Variants in LCOR observed in about 807,000 individuals in gnomAD.
LCOR encodes ligand dependent nuclear receptor corepressor.
In LCOR, 14 loss-of-function variants were observed where a neutral mutation model predicts 64.4. The ratio of observed to expected loss-of-function variants is 0.22; its 90% CI spans 0.14 to 0.34. LCOR has a LOEUF of 0.34. Among genes scored for constraint, LCOR ranks in the 10% least tolerant of loss-of-function variants. LCOR has a pLI of 1.00. For synonymous variants in LCOR, 643 were observed against 642.5 expected (o/e 1.00, Z -0.01); for missense variants, 1,686 against 1,765.3 (o/e 0.96, Z 0.80).
chr10:96,967,243 T>C (rs140275001), intron 7 of LCOR, among the ~76,000 whole-genome samples: 164 of 152,278 alleles, frequency 1.1e-3, no homozygotes, highest in African/African-American at 3.9e-3. Context: ...GTGATTCTCG[T>C]GCCTCAGCCA....
chr10:96,915,365 A>G (rs1846921066), intron 4 of LCOR, among the ~76,000 whole-genome samples: 1 of 152,072 alleles, frequency 6.6e-6, no homozygotes, highest in Non-Finnish European at 1.5e-5. Context: ...CTAAAAATAC[A>G]AAAAAATTAG....
At chr10:96,958,413 G>T (rs1339872707) in intron 7 of LCOR, 2 of 1,483,596 alleles carry the variant, frequency 1.3e-6, no homozygotes, top group Non-Finnish European at 1.8e-6. Flanking sequence ...GTGTTTCAGT[G>T]GATGACAATC....
rs1046585777 is a variant in LCOR, at chr10:96,958,992, G to C, written c.332+6796G>C. 3 of 148,720 alleles carry C rather than the reference G, an allele frequency of 2.0e-5. No homozygotes were observed. The South Asian group carries it at 6.4e-4, about 32-fold the overall frequency. The allele number at this position is 148,720 out of a possible 1,614,324, so 9.2% of individuals were successfully genotyped here. ...CCTTATTATAGGTTTTGTAAAGTTA[G>C]TTTGTAATATTCAGGTGCACTTTTA... On this transcript the variant is annotated intron_variant, in intron 7 of 7. Transcript: ENST00000421806.
chr10:96,913,495 A>C (rs1443958395), intron 4 of LCOR, among the ~76,000 whole-genome samples: 2 of 152,204 alleles, frequency 1.3e-5, no homozygotes, highest in Admixed American at 1.3e-4. Context: ...AGTACAGATA[A>C]CATGGATGAT....
intron 2 of LCOR, among the ~76,000 whole-genome samples, chr10:96,897,474 A>G (rs1846558985): frequency 6.6e-6 from 1 of 152,202 alleles, no homozygotes; most frequent in Non-Finnish European, 1.5e-5. Context: ...AGTTTGATAT[A>G]CTAGAAAAAA....
intron 2 of LCOR, among the ~76,000 whole-genome samples, chr10:96,869,592 T>G (rs1846037154): frequency 6.6e-6 from 1 of 151,576 alleles, no homozygotes; most frequent in Non-Finnish European, 1.5e-5. Flanking sequence ...TTTTCTTTTT[T>G]TAGACAGAGT....
intron 4 of LCOR, among the ~76,000 whole-genome samples, chr10:96,926,066 G>A (rs1290308924): frequency 6.6e-6 from 1 of 152,130 alleles, no homozygotes; most frequent in Admixed American, 6.5e-5. Flanking sequence ...GTTACAAGAT[G>A]TTCTAAATTC....
intron 5 of LCOR, among the ~76,000 whole-genome samples, chr10:96,946,177 T>C (rs1362655172): frequency 1.3e-5 from 2 of 152,084 alleles, no homozygotes; most frequent in Admixed American, 6.6e-5. Flanking sequence ...ATCTCCAAGA[T>C]AGCCATTAGT....
Position 96,983,795 on chromosome 10 carries a change from C to T in LCOR, c.3335C>T (p.Ala1112Val), listed in dbSNP as rs367835702. ...GAGGAGGAGAACCAAGAGCTCATCG[C>T]CAACTTCAATGCCCAGTACATGAAA... ...CAEEENQELIANFNAQYMKVQ... is the reference protein window; with the variant it reads ...CAEEENQELIVNFNAQYMKVQ... The change falls in exon 8 of 8, where the codon GCC becomes GTC. Residue 1112 changes from alanine (A) to valine (V), a missense_variant. By Grantham distance (64) the Ala-to-Val change is moderately conservative. Coordinates refer to ENST00000421806, the MANE Select transcript of LCOR (RefSeq NM_001346516.2). This position sits in a 1 kb window ranked among gnomAD's most constrained non-coding sequence, Gnocchi z 4.5. The T allele has an allele frequency of 2.5e-6, 4 of 1,614,094 alleles. No individual in the cohort carries two copies. The South Asian group carries it at 4.4e-5, about 18-fold the overall frequency.
At chr10:96,969,774 C>CTTTTTTTTT (rs58881683) in intron 7 of LCOR, among the ~76,000 whole-genome samples, 53 of 124,108 alleles carry the variant, frequency 4.3e-4, no homozygotes, top group Non-Finnish European at 5.7e-4. Flanking sequence ...TTTTTTTTTT[C>CTTTTTTTTT]TTTTTTTTTT....
intron 7 of LCOR, chr10:96,959,703 A>C (rs1262270469): frequency 6.6e-6 from 1 of 152,182 alleles, no homozygotes; most frequent in East Asian, 1.9e-4. Context: ...CTTTCAGGAA[A>C]AATAATTTAT....
intron 2 of LCOR, among the ~76,000 whole-genome samples, chr10:96,842,395 A>AATAC (rs560621817): frequency 6.1e-4 from 93 of 152,210 alleles, no homozygotes; most frequent in African/African-American, 2.0e-3. Flanking sequence ...TCAATCTCAA[A>AATAC]ATACATACAT....
rs182375156 is a variant in LCOR at position 96,976,885 on chromosome 10, G to T, written c.333-3908G>T. On this transcript the variant is annotated intron_variant, in intron 7 of 7. Transcript: ENST00000421806. ...GAAGCGGTACCTAGAAAATTTTTGC[G>T]AAGAGTTAGGTAATGATTGTGCTTC... Among the ~76,000 whole-genome samples, 78 of 152,294 alleles carry T rather than the reference G, an allele frequency of 5.1e-4. No individual in the cohort carries two copies. In the South Asian group the frequency reaches 5.6e-3, roughly 11 times the overall value.
chr10:96,856,227 C>G (rs901223327), intron 2 of LCOR, among the ~76,000 whole-genome samples: 7 of 151,662 alleles, frequency 4.6e-5, no homozygotes, highest in Non-Finnish European at 1.0e-4. Flanking sequence ...TGCGCCACCA[C>G]GCCCGGCTAA....
chr10:96,896,532 T>C (rs549296573), intron 2 of LCOR, among the ~76,000 whole-genome samples: 1 of 152,158 alleles, frequency 6.6e-6, no homozygotes, highest in East Asian at 1.9e-4. Context: ...CAAGCGATTC[T>C]CCCGCCTCAG....
chr10:96,867,477 G>T (rs1353715854), intron 2 of LCOR, among the ~76,000 whole-genome samples: 6 of 152,130 alleles, frequency 3.9e-5, no homozygotes, highest in South Asian at 2.1e-4. Context: ...TGTACCAATA[G>T]TCCCAGCTAC....
intron 4 of LCOR, among the ~76,000 whole-genome samples, chr10:96,913,785 G>C (rs779021518): frequency 7.4e-4 from 112 of 152,116 alleles, no homozygotes; most frequent in Non-Finnish European, 1.4e-3. Context: ...TTAGCTGACT[G>C]TGGTGGCCCA....
intron 4 of LCOR, among the ~76,000 whole-genome samples, chr10:96,943,316 C>CG (rs1024665576): frequency 7.4e-4 from 112 of 152,260 alleles, no homozygotes; most frequent in African/African-American, 2.6e-3. Flanking sequence ...AGGCTGGTCT[C>CG]GAACTCCTCA....
At chr10:96,907,914 A>G (rs1327867130) in intron 4 of LCOR, 167 bp downstream of exon 4, 1 of 154,836 alleles carries the variant, frequency 6.5e-6, no homozygotes, top group African/African-American at 2.4e-5. Flanking sequence ...AATTTAAGTT[A>G]TTTCCATCCT....
Sources: allele counts gnomAD v4.1 joint callset (sites outside exome capture counted in the v4.1 genomes callset), GRCh38; gene constraint gnomAD v4.1.1; non-coding constraint Gnocchi (gnomAD v3.1); transcripts MANE v1.5; gene names NCBI Gene and HGNC (gene_info 2026-07-23, HGNC 2026-07-21).